NUSAP1: variants seen among roughly 807,000 people sequenced by gnomAD.
NUSAP1 encodes the protein nucleolar and spindle associated protein 1.
NUSAP1 carries 32 observed loss-of-function variants against 52.8 expected under a neutral mutation model. That is an observed-to-expected ratio of 0.61 (90% CI 0.46 to 0.81). NUSAP1 has a LOEUF of 0.81. Ranked by LOEUF, NUSAP1 falls within the 40% of genes least tolerant of loss-of-function variation. The pLI is 0.00. For synonymous variants in NUSAP1, 195 were observed against 183.1 expected (o/e 1.06, Z -0.52); for missense variants, 499 against 522.3 (o/e 0.96, Z 0.43).
Position 41,356,416 on chromosome 15 carries a change from G to A in NUSAP1, c.550+276G>A, listed in dbSNP as rs564266214. 2.0e-4 allele frequency among the ~76,000 whole-genome samples: 29 copies of A among 145,822 alleles called. 2 individuals are homozygous for A. In the South Asian group the frequency reaches 4.8e-3, roughly 24 times the overall value. On this transcript the variant is annotated intron_variant, in intron 5 of 10. Coordinates refer to ENST00000559596, the MANE Select transcript of NUSAP1 (RefSeq NM_016359.5). ...GTCACCCAGGCTAGAGTGCAGTAGC[G>A]TGAGCTTGGCTCACTGCTACCTCCA...
chr15:41,358,547 G>A (rs2049055938), intron 6 of NUSAP1, among the ~76,000 whole-genome samples: 1 of 152,138 alleles, frequency 6.6e-6, no homozygotes, highest in Admixed American at 6.6e-5. Context: ...GGCCAGCCTG[G>A]GCAACATGGT....
rs1385262927 is a variant in NUSAP1 at position 41,351,031 on chromosome 15, A to G, written c.350A>G (p.Gln117Arg). Residue 117 changes from glutamine (Q) to arginine (R), a missense_variant, in exon 4 of 11, where the codon CAG (glutamine) becomes CGG (arginine). Gln to Arg is a conservative substitution (Grantham distance 43). Coordinates refer to ENST00000559596, the MANE Select transcript of NUSAP1 (RefSeq NM_016359.5). Reference protein sequence around the residue: ...EIKISNPTEFQNHEKQESQDL... With the variant: ...EIKISNPTEFRNHEKQESQDL... ...AAAATAAGTAATCCCACTGAATTCC[A>G]GAATCATGAAAAGCAGGAAAGCCAG... 1.9e-6 allele frequency: 3 copies of G among 1,613,296 alleles called. No homozygotes were observed.
chr15:41,377,268 A>T lies in NUSAP1; in HGVS notation c.1196A>T (p.Tyr399Phe). 6.5e-7 allele frequency: 1 copy of T among 1,532,618 alleles called. No homozygotes were observed. 94.9% of individuals were successfully genotyped at this position (1,532,618 alleles called of 1,614,324 possible). A position where few individuals can be genotyped will look rare whatever the true frequency, so the allele number is the denominator to read the frequency against. ...LNQHVNRINF[Y>F]KKTYKQPHLQ... ...CAACATGTCAACAGAATTAACTTCT[A>T]CAAGAAAACTTACAAACAACCCCAT... The change falls in exon 10 of 11, where the codon TAC (tyrosine) becomes TTC (phenylalanine). Residue 399 changes from tyrosine (Y) to phenylalanine (F), a missense_variant. Tyr to Phe is a conservative substitution (Grantham distance 22, BLOSUM62 3). Coordinates refer to ENST00000559596, the MANE Select transcript of NUSAP1 (RefSeq NM_016359.5).
chr15:41,351,235 T>C, intron 4 of NUSAP1, 106 bp downstream of exon 4: 6 of 1,156,430 alleles, frequency 5.2e-6, no homozygotes, highest in Non-Finnish European at 7.2e-6. Context: ...GCACCACAAC[T>C]GGGCAGCTTA....
At chr15:41,359,693 A>G (rs1163693299) in intron 6 of NUSAP1, among the ~76,000 whole-genome samples, 2 of 150,636 alleles carry the variant, frequency 1.3e-5, no homozygotes, top group African/African-American at 4.9e-5. Context: ...GGGCAATGGT[A>G]CAGTCTCAGC....
chr15:41,354,747 G>A (rs994628967), intron 4 of NUSAP1, among the ~76,000 whole-genome samples: 3 of 150,918 alleles, frequency 2.0e-5, no homozygotes, highest in Non-Finnish European at 3.0e-5. Flanking sequence ...GGCAGGGCGC[G>A]GTGGCTCACT....
In NUSAP1 at chr15:41,336,648, G is replaced by GTTTTTTTTTTTTTTTT. The variant is rs75426159; in HGVS notation, c.93+3604_93+3619dup. On this transcript the variant is annotated intron_variant, in intron 1 of 10. Coordinates refer to ENST00000559596, the MANE Select transcript of NUSAP1 (RefSeq NM_016359.5). ...TGGGCATTTGATCCTCCTCCTTTTG[G>GTTTTTTTTTTTTTTTT]TTTTTTTTTTTTTTTTTTTTTGAGA... 1.1e-3 allele frequency among the ~76,000 whole-genome samples: 97 copies of GTTTTTTTTTTTTTTTT among 91,336 alleles called. 1 individual carries two copies. Among genetic ancestry groups the GTTTTTTTTTTTTTTTT allele is most frequent in the African/African-American group, 3.6e-3 (90 of 24,944 alleles). 59.9% of individuals were successfully genotyped at this position (91,336 alleles called of 152,430 possible).
intron 4 of NUSAP1, 102 bp downstream of exon 4, chr15:41,351,231 C>G: frequency 8.4e-7 from 1 of 1,186,740 alleles, no homozygotes; most frequent in Non-Finnish European, 1.2e-6. Context: ...CAAAGCACCA[C>G]AACTGGGCAG....
intron 2 of NUSAP1, 28 bp from the exon 3 acceptor site, chr15:41,349,070 C>G (rs367865469): frequency 2.8e-4 from 454 of 1,606,236 alleles, no homozygotes; most frequent in Non-Finnish European, 3.7e-4. Flanking sequence ...AGACATAGCA[C>G]ATAGCAGATT....
At chr15:41,359,830 A>G (rs896551383) in intron 6 of NUSAP1, among the ~76,000 whole-genome samples, 1 of 148,098 alleles carries the variant, frequency 6.8e-6, no homozygotes, top group Non-Finnish European at 1.5e-5. Context: ...ACGGGTTTTC[A>G]CCATGTTGGC....
At chr15:41,334,501 T>A (rs1285095647) in intron 1 of NUSAP1, among the ~76,000 whole-genome samples, 5 of 152,220 alleles carry the variant, frequency 3.3e-5, no homozygotes, top group Non-Finnish European at 7.3e-5. Flanking sequence ...ATTTCTGGGC[T>A]GTAGTGGTTA....
intron 8 of NUSAP1, among the ~76,000 whole-genome samples, chr15:41,371,979 G>A (rs2049717422): frequency 6.6e-6 from 1 of 152,038 alleles, no homozygotes; most frequent in Admixed American, 6.6e-5. Flanking sequence ...TGTTGGTCAG[G>A]CTGGTCTCAA....
At chr15:41,372,233 A>G (rs1229664363) in intron 8 of NUSAP1, among the ~76,000 whole-genome samples, 3 of 151,968 alleles carry the variant, frequency 2.0e-5, no homozygotes, top group African/African-American at 7.2e-5. Context: ...CCCTCCAGGA[A>G]GGGCACTGTG....
intron 8 of NUSAP1, among the ~76,000 whole-genome samples, chr15:41,373,667 CTT>C (rs1595603128): frequency 6.6e-6 from 1 of 151,850 alleles, no homozygotes; most frequent in East Asian, 2.0e-4. Context: ...CCAGGTTGGT[CTT>C]GAACTCCTGA....
chr15:41,336,741 G>A (rs1180265126), intron 1 of NUSAP1, among the ~76,000 whole-genome samples: 1 of 144,100 alleles, frequency 6.9e-6, no homozygotes, highest in African/African-American at 2.7e-5. Flanking sequence ...CAACCTCTCA[G>A]GTTCAAGACA....
chr15:41,375,726 A>G lies in NUSAP1; in HGVS notation c.1021A>G (p.Lys341Glu). 6.2e-7 allele frequency: 1 copy of G among 1,611,982 alleles called. No individual in the cohort carries two copies. The highest frequency in any genetic ancestry group is 8.5e-7 in the Non-Finnish European group (1 of 1,178,128). ...TGTGTTTTTAGTTATTACCCCATTC[A>G]AGTTGACAACTGAGGCAACGCAGAC... ...GNSAAVITPF[K>E]LTTEATQTPV... The change falls in exon 9 of 11, where the codon AAG (lysine) becomes GAG (glutamate). Residue 341 changes from lysine (K) to glutamate (E), a missense_variant. By Grantham distance (56) the Lys-to-Glu change is moderately conservative. Coordinates refer to ENST00000559596, the MANE Select transcript of NUSAP1 (RefSeq NM_016359.5).
chr15:41,354,080 AAATAAT>A (rs1567053280), intron 4 of NUSAP1, among the ~76,000 whole-genome samples: 2 of 152,188 alleles, frequency 1.3e-5, no homozygotes. Context: ...TGAAGTTAAA[AAATAAT>A]AATAATAAGC....
rs753078992 is a variant in NUSAP1 at position 41,371,650 on chromosome 15, C to CA, written c.975dup (p.Leu326IlefsTer20). On this transcript the variant is annotated frameshift_variant, in exon 8 of 11. Coordinates refer to ENST00000559596, the MANE Select transcript of NUSAP1 (RefSeq NM_016359.5). LOFTEE classifies it high-confidence loss of function. ...AAGGCGAGGCTGTGCTTGGGACACA[C>CA]AAATTAAAGACCATCACGGGGAATT... The CA allele has an allele frequency of 8.2e-6, 13 of 1,586,738 alleles. No homozygotes were observed. The Admixed American group carries it at 1.2e-4, about 14-fold the overall frequency.
In NUSAP1 at chr15:41,351,053, C is replaced by T. The variant is rs757553840; in HGVS notation, c.372C>T (p.Ser124=). The change falls in exon 4 of 11, where the codon AGC becomes AGT. Residue 124 remains serine, a synonymous_variant. Coordinates refer to ENST00000559596, the MANE Select transcript of NUSAP1 (RefSeq NM_016359.5). ...TCCAGAATCATGAAAAGCAGGAAAG[C>T]CAGGATCTCAGAGCTACTGCAAAAG... is the stretch of plus-strand genomic sequence containing the variant. ...TEFQNHEKQE[S]QDLRATAKVP... The T allele has an allele frequency of 1.2e-5, 19 of 1,613,178 alleles. 1 individual carries two copies. The Admixed American group carries it at 3.0e-4, about 26-fold the overall frequency.
Sources: allele counts gnomAD v4.1 joint callset (sites outside exome capture counted in the v4.1 genomes callset), GRCh38; gene constraint gnomAD v4.1.1; transcripts MANE v1.5; gene names NCBI Gene and HGNC (gene_info 2026-07-23, HGNC 2026-07-21).